Variants in ABCC1 observed in about 807,000 individuals in gnomAD.
The protein encoded by ABCC1 is multidrug resistance-associated protein 1.
ABCC1 carries 83 observed loss-of-function variants against 172.9 expected under a neutral mutation model. The ratio of observed to expected loss-of-function variants is 0.48; its 90% CI spans 0.40 to 0.58. The LOEUF is 0.58. Ranked by LOEUF, ABCC1 falls within the 20% of genes least tolerant of loss-of-function variation. The probability of loss-of-function intolerance (pLI) is 0.00; values close to 1 mark genes in which losing one functional copy is unlikely to be tolerated. For missense variants in ABCC1, 1,817 were observed against 2,002.7 expected (o/e 0.91, Z 1.77); for synonymous variants, 937 against 825.2 (o/e 1.14, Z -2.32).
intron 12 of ABCC1, among the ~76,000 whole-genome samples, chr16:16,062,228 AC>A (rs2049947565): frequency 1.3e-5 from 2 of 152,002 alleles, no homozygotes; most frequent in African/African-American, 4.8e-5. Flanking sequence ...CGTTGGCAAA[AC>A]CCACAGTTTC....
intron 12 of ABCC1, chr16:16,056,649 A>G (rs1596437208): frequency 7.4e-6 from 2 of 268,920 alleles, no homozygotes; most frequent in African/African-American, 4.4e-5. Flanking sequence ...AGCCTGGGCG[A>G]CAGAGCAAGA....
At chr16:16,120,496 G>A (rs926958074) in intron 23 of ABCC1, among the ~76,000 whole-genome samples, 1 of 152,150 alleles carries the variant, frequency 6.6e-6, no homozygotes, top group African/African-American at 2.4e-5. Flanking sequence ...GCCCAGGTTG[G>A]GGGAGGCAGA....
intron 1 of ABCC1, among the ~76,000 whole-genome samples, chr16:15,992,976 C>T (rs119774): frequency 0.053 from 8,107 of 152,186 alleles, 281 homozygotes; most frequent in Middle Eastern, 0.11. Flanking sequence ...ACAGCCAGCT[C>T]TTCCTGACCC....
chr16:16,128,150 A>G (rs1019934227), intron 26 of ABCC1, among the ~76,000 whole-genome samples: 95 of 146,178 alleles, frequency 6.5e-4, no homozygotes, highest in African/African-American at 2.3e-3. Flanking sequence ...CATGGAATTC[A>G]CCCAGTTAAA....
At position 16,138,508 on chromosome 16, in the gene ABCC1, C is replaced by G; in HGVS notation, c.4437C>G (p.Cys1479Trp). The G allele has an allele frequency of 2.5e-6, 4 of 1,585,664 alleles. No individual in the cohort carries two copies. The highest frequency in any genetic ancestry group is 3.4e-6 in the Non-Finnish European group (4 of 1,163,670). The change falls in exon 30 of 31, where the codon TGC becomes TGG. Residue 1479 changes from cysteine to tryptophan, a missense_variant. Coordinates refer to ENST00000399410, the MANE Select transcript of ABCC1 (RefSeq NM_004996.4). ...QSTIRTQFED[C>W]TVLTIAHRLN... ...CCATCCGGACACAGTTCGAGGACTG[C>G]ACCGTCCTCACCATCGCCCACCGGC...
intron 3 of ABCC1, among the ~76,000 whole-genome samples, chr16:16,012,718 C>T (rs1428132212): frequency 1.6e-5 from 2 of 128,836 alleles, no homozygotes; most frequent in African/African-American, 3.5e-5. Flanking sequence ...GGCAGAGTTT[C>T]GCTCTTTTTT....
At chr16:16,072,415 G>A (rs1457623023) in intron 14 of ABCC1, among the ~76,000 whole-genome samples, 2 of 151,458 alleles carry the variant, frequency 1.3e-5, no homozygotes, top group African/African-American at 4.9e-5. Flanking sequence ...GAACTCCTTA[G>A]CTCAAGCAAT....
At chr16:16,128,861 G>T (rs1484960843) in intron 26 of ABCC1, among the ~76,000 whole-genome samples, 1 of 152,168 alleles carries the variant, frequency 6.6e-6, no homozygotes, top group Non-Finnish European at 1.5e-5. Context: ...TTGGCATGGT[G>T]GCAGGTGCCT....
intron 30 of ABCC1, among the ~76,000 whole-genome samples, chr16:16,140,501 A>T (rs1353600604): frequency 6.6e-6 from 1 of 152,196 alleles, no homozygotes; most frequent in East Asian, 1.9e-4. Flanking sequence ...CACCCAGCTG[A>T]CATGATGTTT....
intron 19 of ABCC1, among the ~76,000 whole-genome samples, chr16:16,090,904 G>A (rs563072025): frequency 2.6e-5 from 4 of 152,196 alleles, no homozygotes; most frequent in Non-Finnish European, 5.9e-5. Context: ...GGTCCTTATG[G>A]CAAAAATGGG....
chr16:16,121,392 G>T (rs1046488199), intron 23 of ABCC1, among the ~76,000 whole-genome samples: 2 of 152,202 alleles, frequency 1.3e-5, no homozygotes, highest in Non-Finnish European at 2.9e-5. Context: ...GAGGCTTAGA[G>T]AAGTAAAGTG....
chr16:16,021,153 T>C (rs2048180268), intron 5 of ABCC1, among the ~76,000 whole-genome samples: 1 of 152,128 alleles, frequency 6.6e-6, no homozygotes, highest in Admixed American at 6.6e-5. Context: ...GTGGCACGTA[T>C]ATTATGTCTT....
At chr16:15,959,080 C>G (rs2046070406) in intron 1 of ABCC1, among the ~76,000 whole-genome samples, 2 of 152,170 alleles carry the variant, frequency 1.3e-5, no homozygotes, top group Admixed American at 1.3e-4. Context: ...AGACCTTCCT[C>G]CTCATCCTGC....
At chr16:15,965,493 C>T (rs187659862) in intron 1 of ABCC1, among the ~76,000 whole-genome samples, 20 of 152,144 alleles carry the variant, frequency 1.3e-4, no homozygotes, top group East Asian at 3.9e-4. Context: ...GGAGTTTCAC[C>T]GTGTTAGCCA....
At chr16:15,968,207 G>T (rs1234581829) in intron 1 of ABCC1, among the ~76,000 whole-genome samples, 2 of 151,754 alleles carry the variant, frequency 1.3e-5, no homozygotes, top group African/African-American at 4.8e-5. Context: ...GCTAATTTTT[G>T]TATTTTTAGT....
intron 1 of ABCC1, among the ~76,000 whole-genome samples, chr16:15,989,974 T>C (rs1437142750): frequency 6.6e-6 from 1 of 152,146 alleles, no homozygotes; most frequent in African/African-American, 2.4e-5. Flanking sequence ...ACTCCTGGGC[T>C]CAAGCGATCT....
chr16:16,003,117 T>C (rs1234887665), intron 1 of ABCC1, among the ~76,000 whole-genome samples: 1 of 152,150 alleles, frequency 6.6e-6, no homozygotes, highest in African/African-American at 2.4e-5. Flanking sequence ...GACAGGTGGA[T>C]GGATTGGTTG....
At chr16:16,050,404 A>G (rs1296060979) in intron 10 of ABCC1, among the ~76,000 whole-genome samples, 2 of 151,894 alleles carry the variant, frequency 1.3e-5, no homozygotes, top group Admixed American at 6.6e-5. Flanking sequence ...GGTTGTATTG[A>G]GCTGAGTTTG....
intron 1 of ABCC1, among the ~76,000 whole-genome samples, chr16:15,969,813 A>G (rs922923135): frequency 2.0e-5 from 3 of 151,890 alleles, no homozygotes; most frequent in Non-Finnish European, 4.4e-5. Flanking sequence ...GTGCCCATGA[A>G]TGGGTCCCAT....
Sources: allele counts gnomAD v4.1 joint callset (sites outside exome capture counted in the v4.1 genomes callset), GRCh38; gene constraint gnomAD v4.1.1; transcripts MANE v1.5; gene names NCBI Gene and HGNC (gene_info 2026-07-23, HGNC 2026-07-21).